The following HACE1 variants were observed in gnomAD, a reference collection of about 807,000 sequenced individuals.
HACE1 encodes HECT domain and ankyrin repeat containing E3 ubiquitin protein ligase 1.
In HACE1, 73 loss-of-function variants were observed where a neutral mutation model predicts 118.4. That is an observed-to-expected ratio of 0.62 (90% CI 0.51 to 0.75). The LOEUF is 0.75. Ranked by LOEUF, HACE1 falls within the 30% of genes least tolerant of loss-of-function variation. The pLI, the probability that HACE1 is intolerant of heterozygous loss-of-function variation, is 0.00. For missense variants in HACE1, 749 were observed against 1,102.2 expected, an observed-to-expected ratio of 0.68 and a Z score of 4.54; for synonymous variants, 368 against 374.8, an observed-to-expected ratio of 0.98 and a Z score of 0.21.
intron 22 of HACE1, among the ~76,000 whole-genome samples, chr6:104,734,955 C>A (rs1279707813): frequency 1.3e-5 from 2 of 151,676 alleles, no homozygotes; most frequent in African/African-American, 4.8e-5. Context: ...ATATACTTGA[C>A]AACATAAATC....
intron 14 of HACE1, among the ~76,000 whole-genome samples, chr6:104,779,984 A>G (rs888893336): frequency 1.1e-4 from 17 of 152,076 alleles, no homozygotes; most frequent in African/African-American, 4.1e-4. Flanking sequence ...AGAAAAAGGA[A>G]CTTTTGTCCC....
intron 19 of HACE1, among the ~76,000 whole-genome samples, chr6:104,756,426 A>AT (rs1554225505): frequency 0.1 from 10,858 of 104,762 alleles, 644 homozygotes; most frequent in Non-Finnish European, 0.15. Flanking sequence ...AAAAAAAAAA[A>AT]ATATATATAT....
chr6:104,850,977 ATAG>A lies in HACE1; in HGVS notation c.148_150del (p.Leu50del), dbSNP rs1776145803. The A allele has an allele frequency of 1.9e-6, 3 of 1,604,996 alleles. No homozygotes were observed. The highest frequency in any genetic ancestry group is 2.6e-6 in the Non-Finnish European group (3 of 1,171,604). The stretch of plus-strand genomic sequence containing the variant: ...TAATTGACATCAAATTTTGAATTTG[ATAG>A]TAGTTCAGAAACAGACCTATGCCAA... On this transcript the variant is annotated inframe_deletion, in exon 3 of 24. Transcript: ENST00000262903.
At chr6:104,800,600 G>A (rs939199970) in intron 7 of HACE1, among the ~76,000 whole-genome samples, 23 of 152,310 alleles carry the variant, frequency 1.5e-4, no homozygotes, top group African/African-American at 5.3e-4. Flanking sequence ...GGACCTCCAG[G>A]AAACTCCAAC....
At chr6:104,778,230 T>A (rs1043465655) in intron 14 of HACE1, among the ~76,000 whole-genome samples, 9 of 152,168 alleles carry the variant, frequency 5.9e-5, no homozygotes, top group African/African-American at 2.2e-4. Flanking sequence ...AACTGTGAGT[T>A]ATCTACAATT....
intron 1 of HACE1, among the ~76,000 whole-genome samples, chr6:104,855,642 G>A (rs2114377052): frequency 6.6e-6 from 1 of 151,964 alleles, no homozygotes; most frequent in South Asian, 2.1e-4. Flanking sequence ...CTACCAATGA[G>A]TCACCACCAG....
At chr6:104,813,760 A>C (rs1771857281) in intron 6 of HACE1, among the ~76,000 whole-genome samples, 1 of 138,424 alleles carries the variant, frequency 7.2e-6, no homozygotes, top group South Asian at 2.2e-4. Context: ...ATGAACAGAC[A>C]ATATTAAAAA....
At chr6:104,796,871 T>C (rs1170957913) in intron 8 of HACE1, 58 bp downstream of exon 8, 1 of 1,160,154 alleles carries the variant, frequency 8.6e-7, no homozygotes, top group Non-Finnish European at 1.3e-6. Flanking sequence ...TAATAATTTT[T>C]ACCATTCCAG....
chr6:104,843,821 TTTAAG>T (rs1238916782), intron 4 of HACE1, among the ~76,000 whole-genome samples: 1 of 152,144 alleles, frequency 6.6e-6, no homozygotes, highest in Non-Finnish European at 1.5e-5. Flanking sequence ...TTCTTTTTTT[TTTAAG>T]TTATTTGTAT....
At chr6:104,794,227 G>A (rs1387698414) in intron 10 of HACE1, among the ~76,000 whole-genome samples, 1 of 152,114 alleles carries the variant, frequency 6.6e-6, no homozygotes, top group Non-Finnish European at 1.5e-5. Flanking sequence ...CTTGGTACCT[G>A]CTTAATAAGT....
chr6:104,822,203 TAAAAAA>T (rs58454908), intron 6 of HACE1, among the ~76,000 whole-genome samples: 1 of 102,982 alleles, frequency 9.7e-6, no homozygotes, highest in African/African-American at 4.1e-5. Flanking sequence ...CCGTCTCTAC[TAAAAAA>T]AAAAAAAAAA....
chr6:104,742,356 C>T (rs1207112128), intron 22 of HACE1, among the ~76,000 whole-genome samples: 1 of 144,716 alleles, frequency 6.9e-6, no homozygotes, highest in African/African-American at 2.7e-5. Flanking sequence ...AAAGAAACTA[C>T]CATCAGAGTG....
chr6:104,847,786 G>C (rs772094294), intron 4 of HACE1, among the ~76,000 whole-genome samples: 1 of 151,880 alleles, frequency 6.6e-6, no homozygotes, highest in Non-Finnish European at 1.5e-5. Flanking sequence ...TTTGTATACC[G>C]TGTCCATAGA....
intron 4 of HACE1, among the ~76,000 whole-genome samples, chr6:104,845,580 C>G (rs964558276): frequency 6.6e-6 from 1 of 151,376 alleles, no homozygotes; most frequent in Non-Finnish European, 1.5e-5. Context: ...CAGGTTCACG[C>G]CATTCTCCTG....
intron 1 of HACE1, among the ~76,000 whole-genome samples, chr6:104,854,993 T>G (rs1776578235): frequency 6.6e-6 from 1 of 152,210 alleles, no homozygotes. Context: ...AAAGGCACTT[T>G]TCTAAACACT....
chr6:104,852,199 CTGTGTG>C (rs543674376), intron 2 of HACE1, 112 bp downstream of exon 2: 123 of 642,776 alleles, frequency 1.9e-4, no homozygotes, highest in South Asian at 5.1e-4. Context: ...TCCAAACTGT[CTGTGTG>C]TGTGTGTGTG....
intron 7 of HACE1, among the ~76,000 whole-genome samples, chr6:104,798,040 C>G (rs1337164238): frequency 6.7e-6 from 1 of 148,754 alleles, no homozygotes; most frequent in Non-Finnish European, 1.5e-5. Flanking sequence ...TGCACTCCAG[C>G]CTGGGTAACA....
chr6:104,742,657 A>C (rs1300359198), intron 22 of HACE1, among the ~76,000 whole-genome samples: 1 of 151,176 alleles, frequency 6.6e-6, no homozygotes, highest in Non-Finnish European at 1.5e-5. Flanking sequence ...AAAAGTCAGG[A>C]AACAACAGGT....
At chr6:104,738,079 G>A (rs1016494796) in intron 22 of HACE1, among the ~76,000 whole-genome samples, 6 of 151,942 alleles carry the variant, frequency 3.9e-5, no homozygotes, top group Non-Finnish European at 8.8e-5. Flanking sequence ...ACACGGCAGG[G>A]TATTCCAACA....
Sources: allele counts gnomAD v4.1 joint callset (sites outside exome capture counted in the v4.1 genomes callset), GRCh38; gene constraint gnomAD v4.1.1; transcripts MANE v1.5; gene names NCBI Gene and HGNC (gene_info 2026-07-23, HGNC 2026-07-21).